ATP11A: variants seen among roughly 807,000 people sequenced by gnomAD.
ATP11A encodes ATPase phospholipid transporting 11A, also known as phospholipid-transporting ATPase IH.
ATP11A carries 81 observed loss-of-function variants against 154.4 expected under a neutral mutation model. That is an observed-to-expected ratio of 0.52 (90% CI 0.44 to 0.63). The LOEUF (loss-of-function observed/expected upper bound fraction) is 0.63. Ranked by LOEUF, ATP11A falls within the 30% of genes least tolerant of loss-of-function variation. The probability of loss-of-function intolerance (pLI) is 0.00; values close to 1 mark genes in which losing one functional copy is unlikely to be tolerated. For synonymous variants in ATP11A, 623 were observed against 585.9 expected (o/e 1.06, Z -0.91); for missense variants, 1,316 against 1,474.3 (o/e 0.89, Z 1.76).
At chr13:112,823,567 T>C (rs1196154799) in intron 9 of ATP11A, among the ~76,000 whole-genome samples, 158 bp downstream of exon 9, 1 of 152,188 alleles carries the variant, frequency 6.6e-6, no homozygotes, top group Non-Finnish European at 1.5e-5. Context: ...ATTTGATCAG[T>C]GAATAAGTGC....
intron 6 of ATP11A, among the ~76,000 whole-genome samples, 160 bp downstream of exon 6, chr13:112,816,371 C>T (rs573089396): frequency 6.6e-6 from 1 of 152,190 alleles, no homozygotes; most frequent in Non-Finnish European, 1.5e-5. Flanking sequence ...TTTCCTTCCT[C>T]CTATTTTCCA....
intron 1 of ATP11A, among the ~76,000 whole-genome samples, chr13:112,702,413 C>A (rs1886669098): frequency 6.6e-6 from 1 of 152,138 alleles, no homozygotes; most frequent in South Asian, 2.1e-4. Flanking sequence ...GGCCCCCCGC[C>A]CCGCCCCCCG....
intron 2 of ATP11A, among the ~76,000 whole-genome samples, chr13:112,802,466 T>TCTTTTCTGTCTGCCCTGAATTGC (rs2078163984): frequency 6.7e-6 from 1 of 149,974 alleles, no homozygotes; most frequent in Admixed American, 6.7e-5. Context: ...AGTCAACCCA[T>TCTTTTCTGTCTGCCCTGAATTGC]CTTTGACAAA....
intron 12 of ATP11A, among the ~76,000 whole-genome samples, chr13:112,830,785 G>T: frequency 6.6e-6 from 1 of 152,234 alleles, no homozygotes; most frequent in South Asian, 2.1e-4. Context: ...CACGATAAAC[G>T]TGTGACCCAT....
intron 17 of ATP11A, among the ~76,000 whole-genome samples, chr13:112,850,026 C>G (rs1401264702): frequency 2.0e-5 from 3 of 152,206 alleles, no homozygotes; most frequent in East Asian, 1.9e-4. Context: ...TCAACTCCCC[C>G]TTTCCCAACT....
intron 10 of ATP11A, 54 bp from the exon 11 acceptor site, chr13:112,825,376 G>T: frequency 6.5e-7 from 1 of 1,534,842 alleles, no homozygotes; most frequent in Non-Finnish European, 8.8e-7. Flanking sequence ...TGAGAAGGAA[G>T]TGCAGAGCTC....
At chr13:112,819,767 C>A in intron 7 of ATP11A, 133 bp from the exon 8 acceptor site, 1 of 859,972 alleles carries the variant, frequency 1.2e-6, no homozygotes, top group Non-Finnish European at 1.9e-6. Flanking sequence ...GGGGCTGGAG[C>A]GGGGCTGCTT....
chr13:112,826,364 C>A (rs987885885), intron 11 of ATP11A, among the ~76,000 whole-genome samples: 4 of 152,194 alleles, frequency 2.6e-5, no homozygotes, highest in Non-Finnish European at 5.9e-5. Flanking sequence ...AAAGAGATCC[C>A]ATGAATATGC....
chr13:112,723,860 C>T (rs1889498825), intron 1 of ATP11A, among the ~76,000 whole-genome samples: 1 of 152,248 alleles, frequency 6.6e-6, no homozygotes, highest in African/African-American at 2.4e-5. Context: ...CATATCTGGT[C>T]CTCTGTCTCG....
At position 112,850,978 on chromosome 13, in the gene ATP11A, G is replaced by A. The variant is rs573555274; in HGVS notation, c.1810-59G>A. On this transcript the variant is annotated intron_variant, in intron 17 of 29. Coordinates refer to ENST00000375645, the MANE Select transcript of ATP11A (RefSeq NM_015205.3). ...AGGGATACTGGGAAGGCCGTGGAGCGTAATATTTCAGCAAGTGACACCTTG... is the reference window on the plus strand; with the variant it reads ...AGGGATACTGGGAAGGCCGTGGAGCATAATATTTCAGCAAGTGACACCTTG... 4.9e-4 allele frequency: 753 copies of A among 1,536,870 alleles called. 2 individuals carry two copies. Among genetic ancestry groups the A allele is most frequent in the Non-Finnish European group, 6.2e-4 (696 of 1,120,256 alleles).
At chr13:112,801,694 C>T (rs1216346762) in intron 2 of ATP11A, among the ~76,000 whole-genome samples, 4 of 152,214 alleles carry the variant, frequency 2.6e-5, no homozygotes, top group African/African-American at 9.7e-5. Context: ...TTAACCCCCC[C>T]ACCCACCAAA....
intron 1 of ATP11A, among the ~76,000 whole-genome samples, chr13:112,704,218 CT>C (rs1286425663): frequency 6.6e-6 from 1 of 152,204 alleles, no homozygotes; most frequent in African/African-American, 2.4e-5. Context: ...GGGTTAGTGT[CT>C]TTTTAAATAA....
chr13:112,835,094 C>T (rs7995869), intron 15 of ATP11A, among the ~76,000 whole-genome samples: 2,216 of 152,342 alleles, frequency 0.015, 58 homozygotes, highest in African/African-American at 0.05. Context: ...GGGAGCACAG[C>T]GTCGTGTCGA....
intron 1 of ATP11A, among the ~76,000 whole-genome samples, chr13:112,781,544 G>A (rs970362060): frequency 3.3e-5 from 5 of 152,124 alleles, no homozygotes; most frequent in Non-Finnish European, 7.4e-5. Context: ...AACATTTGAC[G>A]GACGCGTGGT....
intron 4 of ATP11A, 49 bp from the exon 5 acceptor site, chr13:112,810,570 T>A (rs370005078): frequency 1.5e-4 from 225 of 1,490,088 alleles, no homozygotes; most frequent in Non-Finnish European, 1.4e-4. Flanking sequence ...TTTCTCCTCC[T>A]TCCCTCTCTC....
chr13:112,873,779 G>A (rs2080623978), intron 27 of ATP11A, 103 bp downstream of exon 27: 1 of 1,177,702 alleles, frequency 8.5e-7, no homozygotes, highest in African/African-American at 1.5e-5. Flanking sequence ...TGTTGGTTGG[G>A]GCAAGTGTTT....
chr13:112,807,474 C>CTG lies in ATP11A; in HGVS notation c.333+1184_333+1185dup, dbSNP rs2078355157. On this transcript the variant is annotated intron_variant, in intron 4 of 29. Transcript: ENST00000375645. The surrounding 1 kb of genome is among the most constrained non-coding windows in gnomAD (Gnocchi z 4.5). The stretch of plus-strand genomic sequence containing the variant: ...GAACACAGCACAGTAACGAAACGAA[C>CTG]TGTGCTGCCTGGAGAACAGAACATG... Among the ~76,000 whole-genome samples the CTG allele has an allele frequency of 6.6e-6, 1 of 152,206 alleles. No homozygotes were observed. Among genetic ancestry groups the CTG allele is most frequent in the South Asian group, 2.1e-4 (1 of 4,830 alleles).
At chr13:112,873,823 G>A in intron 27 of ATP11A, 147 bp downstream of exon 27, 1 of 712,320 alleles carries the variant, frequency 1.4e-6, no homozygotes. Flanking sequence ...GTGTCGTGGG[G>A]TCCTGGGATA....
chr13:112,879,502 A>T (rs1481703355), intron 29 of ATP11A, among the ~76,000 whole-genome samples: 1 of 152,268 alleles, frequency 6.6e-6, no homozygotes, highest in Admixed American at 6.5e-5. Context: ...CTGAGCTAAA[A>T]ATAAGCATTC....
Sources: allele counts gnomAD v4.1 joint callset (sites outside exome capture counted in the v4.1 genomes callset), GRCh38; gene constraint gnomAD v4.1.1; non-coding constraint Gnocchi (gnomAD v3.1); transcripts MANE v1.5; gene names NCBI Gene and HGNC (gene_info 2026-07-23, HGNC 2026-07-21).